Variants in STAG2 observed in about 807,000 individuals in gnomAD.
STAG2 encodes the protein STAG2 cohesin complex component.
A neutral mutation model predicts 108.1 loss-of-function variants in STAG2; 14 were observed. That is an observed-to-expected ratio of 0.13 (90% CI 0.09 to 0.20). The LOEUF (loss-of-function observed/expected upper bound fraction) is 0.20, where lower values mean the gene tolerates loss of function less well. Ranked by LOEUF, STAG2 falls within the 10% of genes least tolerant of loss-of-function variation. The pLI is 1.00. For missense variants in STAG2, 440 were observed against 940.9 expected, an observed-to-expected ratio of 0.47 and a Z score of 6.96; for synonymous variants, 307 against 302.7, an observed-to-expected ratio of 1.01 and a Z score of -0.15.
At chrX:124,065,397 A>G (rs1315407494) in intron 20 of STAG2, among the ~76,000 whole-genome samples, 1 of 111,603 alleles carries the variant, frequency 9.0e-6, no homozygotes, top group African/African-American at 3.3e-5. Flanking sequence ...AAAGTATATT[A>G]ATAGATGTTG....
At chrX:124,029,483 T>C (rs2057263611) in intron 4 of STAG2, among the ~76,000 whole-genome samples, 1 of 110,609 alleles carries the variant, frequency 9.0e-6, no homozygotes, top group Non-Finnish European at 1.9e-5. Flanking sequence ...GCTAATTTTT[T>C]GTATTTTAGT....
intron 1 of STAG2, among the ~76,000 whole-genome samples, chrX:123,980,109 A>T (rs1231865800): frequency 8.9e-6 from 1 of 111,962 alleles, no homozygotes; most frequent in Non-Finnish European, 1.9e-5. Context: ...CATAGTAGTA[A>T]TAATATTTTA....
At chrX:123,969,769 C>T (rs1283816766) in intron 1 of STAG2, among the ~76,000 whole-genome samples, 1 of 109,228 alleles carries the variant, frequency 9.2e-6, no homozygotes, top group East Asian at 2.9e-4. Context: ...CCTCAGCCTC[C>T]CGAGTAGCTG....
chrX:124,036,862 A>G (rs973226534), intron 5 of STAG2, among the ~76,000 whole-genome samples: 2 of 111,169 alleles, frequency 1.8e-5, no homozygotes, highest in Non-Finnish European at 3.8e-5. Flanking sequence ...ATTACAATAT[A>G]ATTTTAGAAT....
chrX:124,087,839 C>T (rs899658635), intron 30 of STAG2, among the ~76,000 whole-genome samples: 2 of 112,186 alleles, frequency 1.8e-5, no homozygotes, highest in Non-Finnish European at 3.8e-5. Context: ...TGATCAAGTG[C>T]TTAGTGTTTA....
At chrX:124,018,451 TGGA>T (rs1569504193) in intron 1 of STAG2, among the ~76,000 whole-genome samples, 1 of 13,151 alleles carries the variant, frequency 7.6e-5, no homozygotes, top group Non-Finnish European at 1.8e-4. Context: ...ACACATTGGA[TGGA>T]TGGATGGATG....
chrX:124,032,021 C>A (rs1457198207), intron 5 of STAG2, among the ~76,000 whole-genome samples: 1 of 111,474 alleles, frequency 9.0e-6, no homozygotes, highest in Admixed American at 9.5e-5. Context: ...TGAGCCACCA[C>A]GCCCAGCCCC....
chrX:124,091,897 ATCTT>A (rs1271045258), intron 32 of STAG2, among the ~76,000 whole-genome samples: 1 of 112,431 alleles, frequency 8.9e-6, no homozygotes. Flanking sequence ...AACTTTATAA[ATCTT>A]TCTAAAATCT....
chrX:123,963,555 G>T (rs2053965984), intron 1 of STAG2, among the ~76,000 whole-genome samples: 1 of 109,818 alleles, frequency 9.1e-6, no homozygotes, highest in Non-Finnish European at 1.9e-5. Context: ...GTATATAAGT[G>T]TTCAGCAGTT....
intron 24 of STAG2, among the ~76,000 whole-genome samples, chrX:124,070,537 C>T (rs1372019811): frequency 8.9e-6 from 1 of 112,030 alleles, no homozygotes; most frequent in Non-Finnish European, 1.9e-5. Flanking sequence ...CCTTGAGATA[C>T]AACTTCAGCC....
chrX:124,084,250 CTAATGTA>C (rs929011174), intron 29 of STAG2, among the ~76,000 whole-genome samples: 4 of 111,201 alleles, frequency 3.6e-5, no homozygotes, highest in Non-Finnish European at 7.5e-5. Flanking sequence ...GCAGGCAAAA[CTAATGTA>C]TGGTGATAAA....
At chrX:124,072,682 GTT>G (rs1298213840) in intron 25 of STAG2, among the ~76,000 whole-genome samples, 8 of 96,223 alleles carry the variant, frequency 8.3e-5, no homozygotes, top group African/African-American at 1.1e-4. Context: ...TAATTATAGT[GTT>G]GTTGTTGTTG....
chrX:123,961,042 T>TGGGGGGCAGCCATGGAAC (rs2053824351), upstream of STAG2: 1 of 111,883 alleles, frequency 8.9e-6, no homozygotes, highest in Non-Finnish European at 1.9e-5. Context: ...TTCGCCCCCA[T>TGGGGGGCAGCCATGGAAC]GGGGGGCAGC....
chrX:124,051,266 C>G, intron 12 of STAG2, 47 bp downstream of exon 12: 1 of 1,168,893 alleles, frequency 8.6e-7, no homozygotes, highest in South Asian at 1.9e-5. Flanking sequence ...TTTGCAAACA[C>G]TTTTCTCTTG....
intron 1 of STAG2, among the ~76,000 whole-genome samples, chrX:123,962,997 A>T (rs2053937404): frequency 1.8e-5 from 2 of 112,034 alleles, no homozygotes; most frequent in Non-Finnish European, 3.8e-5. Context: ...GTTTAGTCCT[A>T]GTGGTTAGTG....
At chrX:124,004,027 G>A (rs960330788) in intron 1 of STAG2, among the ~76,000 whole-genome samples, 5 of 112,004 alleles carry the variant, frequency 4.5e-5, no homozygotes, top group Non-Finnish European at 7.5e-5. Flanking sequence ...CCATTTTTAA[G>A]TGTACAGTTC....
At chrX:124,008,292 C>T (rs2056379242) in intron 1 of STAG2, among the ~76,000 whole-genome samples, 1 of 106,507 alleles carries the variant, frequency 9.4e-6, no homozygotes, top group South Asian at 4.3e-4. Context: ...CGGCTCACTG[C>T]AACCTCCGCT....
At chrX:124,055,344 T>A (rs937508577) in intron 13 of STAG2, among the ~76,000 whole-genome samples, 1 of 111,922 alleles carries the variant, frequency 8.9e-6, no homozygotes, top group Admixed American at 9.5e-5. Flanking sequence ...TGAATTTACA[T>A]ATAATGGTAA....
chrX:124,031,163 T>A lies in STAG2; in HGVS notation c.288+38T>A, dbSNP rs1044410698. 6.0e-6 allele frequency: 7 copies of A among 1,167,480 alleles called. No homozygotes were observed. The African/African-American group carries it at 1.3e-4, about 21-fold the overall frequency. ...TTGTTCTTCCCAGTTCATTTGTACATTTTAAACTTTAATGAGTTATATAGA... is the reference window on the plus strand; with the variant it reads ...TTGTTCTTCCCAGTTCATTTGTACAATTTAAACTTTAATGAGTTATATAGA... On this transcript the variant is annotated intron_variant, in intron 5 of 34. Transcript: ENST00000371145.
Sources: gnomAD v4.1 joint callset for allele counts (sites outside exome capture counted in the v4.1 genomes callset) on GRCh38, gnomAD v4.1.1 for gene constraint, MANE v1.5 for transcripts, NCBI Gene and HGNC (gene_info 2026-07-23, HGNC 2026-07-21) for gene names.